The following SP140 variants were observed in gnomAD, a reference collection of about 807,000 sequenced individuals.
SP140 encodes SP140 nuclear body protein.
SP140 carries 81 observed loss-of-function variants against 125.0 expected under a neutral mutation model. The ratio of observed to expected loss-of-function variants is 0.65; its 90% CI spans 0.54 to 0.78. The LOEUF (loss-of-function observed/expected upper bound fraction) is 0.78. SP140 is among the 30% of genes least tolerant of loss of function. The pLI is 0.00. For synonymous variants in SP140, 312 were observed against 354.0 expected, an observed-to-expected ratio of 0.88 and a Z score of 1.33; for missense variants, 858 against 1,037.0, an observed-to-expected ratio of 0.83 and a Z score of 2.37.
chr2:230,206,120 C>T (rs1437350983), intron 1 of SP140, among the ~76,000 whole-genome samples: 1 of 152,152 alleles, frequency 6.6e-6, no homozygotes. Context: ...TGGGATCATA[C>T]TAATGATAAA....
chr2:230,276,170 C>T (rs1235997469), intron 15 of SP140, among the ~76,000 whole-genome samples: 1 of 152,094 alleles, frequency 6.6e-6, no homozygotes, highest in African/African-American at 2.4e-5. Context: ...GTAGACTAAA[C>T]GGCCTTTTAT....
chr2:230,316,564 C>G (rs2149655641), downstream of SP140, among the ~76,000 whole-genome samples: 1 of 152,328 alleles, frequency 6.6e-6, no homozygotes, highest in South Asian at 2.1e-4. Flanking sequence ...AAATACAGCT[C>G]TACATCATCC....
chr2:230,296,311 T>C (rs35256947), intron 21 of SP140, among the ~76,000 whole-genome samples: 29,439 of 152,258 alleles, frequency 0.19, 3,421 homozygotes, highest in Non-Finnish European at 0.27. Flanking sequence ...TGGGAGATTC[T>C]AGACCAGTTG....
chr2:230,211,480 G>A lies in SP140; in HGVS notation c.-322-2174G>A, dbSNP rs2148917159. The A allele has an allele frequency of 1.2e-6, 2 of 1,601,848 alleles. No individual in the cohort carries two copies. The highest frequency in any genetic ancestry group is 2.2e-5 in the East Asian group (1 of 44,826). On this transcript the variant is annotated intron_variant, in intron 1 of 4. Coordinates refer to the SP140 transcript ENST00000456542. This position sits in a 1 kb window ranked among gnomAD's most constrained non-coding sequence, Gnocchi z 4.2. ...CCAAACCAAGATTACCTGGCATAGA[G>A]CCCAAGGGAGAGTGGGGCATCTCTT... is the stretch of plus-strand genomic sequence containing the variant.
At chr2:230,303,591 C>A (rs2058499868) in intron 22 of SP140, among the ~76,000 whole-genome samples, 1 of 152,018 alleles carries the variant, frequency 6.6e-6, no homozygotes, top group Admixed American at 6.6e-5. Context: ...ATACCAAAAC[C>A]AGGAAAGGGC....
chr2:230,248,098 G>C, intron 8 of SP140, 33 bp downstream of exon 8: 1 of 1,605,450 alleles, frequency 6.2e-7, no homozygotes, highest in East Asian at 2.2e-5. Context: ...CATGTGTCAA[G>C]GGTGAAAATG....
chr2:230,295,634 A>G (rs1019072823), intron 21 of SP140, among the ~76,000 whole-genome samples: 4 of 152,174 alleles, frequency 2.6e-5, no homozygotes, highest in African/African-American at 9.7e-5. Context: ...TATGAACTCC[A>G]TGGGTCCTCT....
chr2:230,212,697 G>C, intron 1 of SP140: 1 of 1,591,188 alleles, frequency 6.3e-7, no homozygotes, highest in Non-Finnish European at 8.6e-7. Flanking sequence ...TGGGATTGGC[G>C]GCAACATGGC....
chr2:230,231,987 G>A (rs1346759267), intron 1 of SP140, among the ~76,000 whole-genome samples: 3 of 152,116 alleles, frequency 2.0e-5, no homozygotes, highest in Non-Finnish European at 4.4e-5. Flanking sequence ...GGGATTACAG[G>A]TGTGAGCCAC....
chr2:230,290,376 C>T (rs536521672), intron 18 of SP140, 84 bp from the exon 19 acceptor site: 23 of 1,226,522 alleles, frequency 1.9e-5, no homozygotes, highest in East Asian at 1.2e-4. Context: ...AAGTATCCCT[C>T]GTGTCTTTAT....
intron 22 of SP140, among the ~76,000 whole-genome samples, chr2:230,308,101 A>G (rs1000147713): frequency 6.6e-6 from 1 of 151,288 alleles, no homozygotes; most frequent in Admixed American, 6.6e-5. Flanking sequence ...ACCTGGATGG[A>G]GTTGGAGACC....
chr2:230,303,702 C>T (rs1009859185), intron 22 of SP140, among the ~76,000 whole-genome samples: 2 of 152,108 alleles, frequency 1.3e-5, no homozygotes, highest in African/African-American at 4.8e-5. Context: ...TGACAAAATC[C>T]AGCACCTTTT....
At chr2:230,306,873 G>A (rs1320840585) in intron 22 of SP140, among the ~76,000 whole-genome samples, 3 of 152,234 alleles carry the variant, frequency 2.0e-5, no homozygotes. Flanking sequence ...GAAGGGGCAG[G>A]TCCCTGGTGA....
At chr2:230,229,131 T>C (rs1224886875) in intron 1 of SP140, among the ~76,000 whole-genome samples, 1 of 152,044 alleles carries the variant, frequency 6.6e-6, no homozygotes, top group Non-Finnish European at 1.5e-5. Flanking sequence ...AATTACACTA[T>C]ATCACTTCAT....
chr2:230,264,240 T>A (rs549792905), intron 12 of SP140, among the ~76,000 whole-genome samples: 2 of 152,296 alleles, frequency 1.3e-5, no homozygotes, highest in South Asian at 4.1e-4. Flanking sequence ...CTGAATTTCT[T>A]TCTTCTACTT....
intron 12 of SP140, among the ~76,000 whole-genome samples, chr2:230,268,242 G>T (rs1433463180): frequency 6.6e-6 from 1 of 152,128 alleles, no homozygotes; most frequent in Non-Finnish European, 1.5e-5. Flanking sequence ...AGACAGAAGA[G>T]GCCGGGTGTG....
rs775271202 is a variant in SP140 at position 230,292,668 on chromosome 2, G to C, written c.1848G>C (p.Gln616His). 1.2e-6 allele frequency: 2 copies of C among 1,614,196 alleles called. No individual in the cohort carries two copies. Among genetic ancestry groups the C allele is most frequent in the Non-Finnish European group, 1.7e-6 (2 of 1,180,032 alleles). Residue 616 changes from glutamine to histidine, a missense_variant, in exon 20 of 27, where the codon CAG (glutamine) becomes CAC (histidine). Gln to His is a conservative substitution (Grantham distance 24). This residue lies in a region of SP140 where 791 missense variants were observed against 869.5 expected (regional missense o/e 0.91). Coordinates refer to ENST00000392045, the MANE Select transcript of SP140 (RefSeq NM_007237.5). ...CAGGAATCTTGGTGAAGTGTATACA[G>C]ACTGAGGATGGAAAATGGTTCACCC... ...LQQGILVKCI[Q>H]TEDGKWFTPT... is the part of the protein sequence containing the mutation.
chr2:230,290,589 T>A, intron 19 of SP140, 25 bp downstream of exon 19: 1 of 1,546,994 alleles, frequency 6.5e-7, no homozygotes, highest in East Asian at 2.3e-5. Flanking sequence ...CTTCTTTAAT[T>A]TGCAGCTCCT....
At chr2:230,201,058 G>A, upstream of SP140, 1 of 941,880 alleles carries the variant, frequency 1.1e-6, no homozygotes, top group Non-Finnish European at 1.8e-6. Context: ...CTCTGAAGTT[G>A]AGTCTTGGAG....
Sources: allele counts gnomAD v4.1 joint callset (sites outside exome capture counted in the v4.1 genomes callset), GRCh38; gene constraint gnomAD v4.1.1; regional missense constraint gnomAD v4.1.1; non-coding constraint Gnocchi (gnomAD v3.1); transcripts MANE v1.5; gene names NCBI Gene and HGNC (gene_info 2026-07-23, HGNC 2026-07-21).